Variants in PCDHGA4 observed in about 807,000 individuals in gnomAD.
PCDHGA4 encodes the protein protocadherin gamma-A4.
A neutral mutation model predicts 54.6 loss-of-function variants in PCDHGA4; 38 were observed. The ratio of observed to expected loss-of-function variants is 0.70; its 90% CI spans 0.54 to 0.91. PCDHGA4 has a LOEUF of 0.91. Among genes scored for constraint, PCDHGA4 ranks in the 40% least tolerant of loss-of-function variants. The probability of loss-of-function intolerance (pLI) is 0.00; values close to 1 mark genes in which losing one functional copy is unlikely to be tolerated. For missense variants in PCDHGA4, 1,298 were observed against 1,220.9 expected, an observed-to-expected ratio of 1.06 and a Z score of -0.94; for synonymous variants, 511 against 512.9, an observed-to-expected ratio of 1.00 and a Z score of 0.05.
In PCDHGA4 at chr5:141,355,445, G is replaced by A. The variant is rs1309523681; in HGVS notation, c.338G>A (p.Gly113Asp). Residue 113 changes from glycine (G) to aspartate (D), a missense_variant, in exon 1 of 4, where the codon GGC becomes GAC. By Grantham distance (94) the Gly-to-Asp change is moderately conservative (BLOSUM62 -1). Transcript: ENST00000571252. ...TQLFALNPRSGTLVTAGRIDR... is the reference protein window; with the variant it reads ...TQLFALNPRSDTLVTAGRIDR... ...CTTTTCGCCCTGAACCCGCGCAGCG[G>A]CACCTTGGTCACCGCGGGTAGGATA... is the stretch of plus-strand genomic sequence containing the variant. The A allele has an allele frequency of 2.5e-6, 4 of 1,613,988 alleles. No homozygotes were observed. The highest frequency in any genetic ancestry group is 3.4e-6 in the Non-Finnish European group (4 of 1,179,934).
intron 1 of PCDHGA4, chr5:141,382,914 G>T: frequency 6.4e-7 from 1 of 1,552,980 alleles, no homozygotes; most frequent in South Asian, 1.2e-5. Context: ...CGGCTCAGCC[G>T]AGGGGCGGGG....
At chr5:141,506,308 G>A (rs941724820) in intron 3 of PCDHGA4, among the ~76,000 whole-genome samples, 8 of 152,100 alleles carry the variant, frequency 5.3e-5, no homozygotes. Flanking sequence ...AATTAGCTGG[G>A]CATGGTGGTG....
At chr5:141,460,455 A>G (rs1021070289) in intron 1 of PCDHGA4, among the ~76,000 whole-genome samples, 2 of 152,080 alleles carry the variant, frequency 1.3e-5, no homozygotes, top group African/African-American at 4.8e-5. Context: ...GAAGATTCAT[A>G]TTTTTTTCCA....
At chr5:141,421,926 C>A in intron 1 of PCDHGA4, 1 of 1,613,460 alleles carries the variant, frequency 6.2e-7, no homozygotes, top group Non-Finnish European at 8.5e-7. Flanking sequence ...GTGTGGTGGT[C>A]CTCGATGTAA....
chr5:141,383,277 T>C, intron 1 of PCDHGA4: 9 of 1,613,888 alleles, frequency 5.6e-6, no homozygotes, highest in Non-Finnish European at 7.6e-6. Context: ...TAATAGATAT[T>C]AATGACAACG....
chr5:141,426,865 T>G (rs2096965950), intron 1 of PCDHGA4: 1 of 456,600 alleles, frequency 2.2e-6, no homozygotes, highest in African/African-American at 2.0e-5. Flanking sequence ...GAATTAGTGC[T>G]GGAGAAGCCC....
At chr5:141,373,965 G>T in intron 1 of PCDHGA4, 2 of 971,546 alleles carry the variant, frequency 2.1e-6, no homozygotes, top group East Asian at 2.9e-5. Context: ...GACCTGAAAC[G>T]CTTCGCATCC....
intron 1 of PCDHGA4, chr5:141,395,360 G>A (rs2093220996): frequency 3.9e-6 from 5 of 1,290,318 alleles, no homozygotes; most frequent in Non-Finnish European, 5.2e-6. Context: ...AGAGTTTTGG[G>A]TTTATTTTGG....
intron 1 of PCDHGA4, among the ~76,000 whole-genome samples, chr5:141,458,336 GA>G (rs762646440): frequency 1.3e-5 from 2 of 152,118 alleles, no homozygotes; most frequent in Non-Finnish European, 2.9e-5. Context: ...TGGTTTTAAG[GA>G]GTGGAGAGTT....
At chr5:141,360,693 A>T (rs951041324) in intron 1 of PCDHGA4, 1 of 1,613,908 alleles carries the variant, frequency 6.2e-7, no homozygotes, top group Non-Finnish European at 8.5e-7. Flanking sequence ...AACAGACTCC[A>T]GATGGTCGTA....
Position 141,490,162 on chromosome 5 carries a change from A to C in PCDHGA4, c.2515-4645A>C. ...TGGGGCAATCCATGTGTTGGGTCCC[A>C]TAGACTTTGAGGAGTCACGTTTCTA... On this transcript the variant is annotated intron_variant, in intron 1 of 3. Coordinates refer to ENST00000571252, the MANE Select transcript of PCDHGA4 (RefSeq NM_018917.4). The surrounding 1 kb of genome is among the most constrained non-coding windows in gnomAD (Gnocchi z 5.4). The C allele has an allele frequency of 6.2e-7, 1 of 1,614,218 alleles. No individual in the cohort carries two copies. The highest frequency in any genetic ancestry group is 8.5e-7 in the Non-Finnish European group (1 of 1,180,028).
At chr5:141,460,829 A>C (rs1242954704) in intron 1 of PCDHGA4, among the ~76,000 whole-genome samples, 1 of 151,944 alleles carries the variant, frequency 6.6e-6, no homozygotes, top group African/African-American at 2.4e-5. Flanking sequence ...ATACACACTT[A>C]AAGTAATGGC....
intron 1 of PCDHGA4, chr5:141,420,380 C>T (rs1343046478): frequency 7.7e-7 from 1 of 1,306,574 alleles, no homozygotes; most frequent in Non-Finnish European, 1.0e-6. Flanking sequence ...TCATAGAGTT[C>T]GCAAAATATA....
At chr5:141,392,775 A>G in intron 1 of PCDHGA4, 1 of 1,524,280 alleles carries the variant, frequency 6.6e-7, no homozygotes, top group Non-Finnish European at 8.8e-7. Context: ...CCATTTATGC[A>G]CAGTGAAGAT....
chr5:141,486,121 T>G lies in PCDHGA4; in HGVS notation c.2515-8686T>G. The G allele has an allele frequency of 6.2e-7, 1 of 1,614,204 alleles. No homozygotes were observed. Among genetic ancestry groups the G allele is most frequent in the Non-Finnish European group, 8.5e-7 (1 of 1,180,036 alleles). Reference sequence around the variant, plus strand: ...TAGACTTTGAGAGTGAGAATTACTATGAATTTGATGTGCGGGCTCGCGATG... The same window carrying G: ...TAGACTTTGAGAGTGAGAATTACTAGGAATTTGATGTGCGGGCTCGCGATG... On this transcript the variant is annotated intron_variant, in intron 1 of 3. Transcript: ENST00000571252. The surrounding 1 kb of genome is among the most constrained non-coding windows in gnomAD (Gnocchi z 5.0).
In PCDHGA4 at chr5:141,372,412, C is replaced by T. The variant is rs776836110; in HGVS notation, c.2514+14791C>T. On this transcript the variant is annotated intron_variant, in intron 1 of 3. Coordinates refer to ENST00000571252, the MANE Select transcript of PCDHGA4 (RefSeq NM_018917.4). ...GCAGATAGCTTGCAAGAGATACAAC[C>T]TGACCTTAGCGACCGCCCCACTCCC... is the stretch of plus-strand genomic sequence containing the variant. 3.7e-6 allele frequency: 6 copies of T among 1,613,964 alleles called. No homozygotes were observed. Among genetic ancestry groups the T allele is most frequent in the Non-Finnish European group, 5.1e-6 (6 of 1,179,912 alleles).
chr5:141,407,869 A>T lies in PCDHGA4; in HGVS notation c.2514+50248A>T, dbSNP rs1031666668. ...GGATGTACACCTGCATTTTCGAAGA[A>T]TATATACATTTCGGAGACCGAATTC... On this transcript the variant is annotated intron_variant, in intron 1 of 3. Coordinates refer to ENST00000571252, the MANE Select transcript of PCDHGA4 (RefSeq NM_018917.4). Among the ~76,000 whole-genome samples, 20 of 152,262 alleles carry T rather than the reference A, an allele frequency of 1.3e-4. No homozygotes were observed. The East Asian group carries it at 1.5e-3, about 12-fold the overall frequency.
chr5:141,355,527 T>G lies in PCDHGA4; in HGVS notation c.420T>G (p.Leu140=), dbSNP rs763714281. The part of the protein sequence containing the change: ...SPNCVTNLEI[L]LEDTVKILRV... Reference sequence around the variant, plus strand: ...ACTGTGTGACAAACCTGGAGATTCTTCTAGAAGATACAGTGAAGATTTTGC... The same window carrying G: ...ACTGTGTGACAAACCTGGAGATTCTGCTAGAAGATACAGTGAAGATTTTGC... The change falls in exon 1 of 4, where the codon CTT becomes CTG. Residue 140 remains leucine, a synonymous_variant. Transcript: ENST00000571252. 1 of 1,614,060 alleles carries G rather than the reference T, an allele frequency of 6.2e-7. No individual in the cohort carries two copies. Among genetic ancestry groups the G allele is most frequent in the Non-Finnish European group, 8.5e-7 (1 of 1,179,902 alleles).
chr5:141,418,080 A>T (rs1590086455), intron 1 of PCDHGA4: 1 of 1,614,046 alleles, frequency 6.2e-7, no homozygotes, highest in East Asian at 2.2e-5. Flanking sequence ...GAGAAGCTGC[A>T]CTTCAGCGTA....
Sources: allele counts gnomAD v4.1 joint callset (sites outside exome capture counted in the v4.1 genomes callset), GRCh38; gene constraint gnomAD v4.1.1; non-coding constraint Gnocchi (gnomAD v3.1); transcripts MANE v1.5; gene names NCBI Gene and HGNC (gene_info 2026-07-23, HGNC 2026-07-21).